MPPED1: variants seen among roughly 807,000 people sequenced by gnomAD.
MPPED1 encodes the protein metallophosphoesterase domain containing 1, also known as metallophosphoesterase domain-containing protein 1.
MPPED1 carries 16 observed loss-of-function variants against 36.2 expected under a neutral mutation model. That is an observed-to-expected ratio of 0.44 (90% CI 0.30 to 0.67). The LOEUF (loss-of-function observed/expected upper bound fraction) is 0.67, where lower values mean the gene tolerates loss of function less well. MPPED1 is among the 30% of genes least tolerant of loss of function. The pLI, the probability that MPPED1 is intolerant of heterozygous loss-of-function variation, is 0.10. For missense variants in MPPED1, 307 were observed against 453.4 expected, an observed-to-expected ratio of 0.68 and a Z score of 2.93; for synonymous variants, 199 against 191.3, an observed-to-expected ratio of 1.04 and a Z score of -0.33.
chr22:43,453,448 G>A (rs1433641736), intron 3 of MPPED1, among the ~76,000 whole-genome samples: 1 of 152,004 alleles, frequency 6.6e-6, no homozygotes, highest in African/African-American at 2.4e-5. Context: ...GCCAAACCCA[G>A]CACAATCCTT....
intron 3 of MPPED1, among the ~76,000 whole-genome samples, chr22:43,464,600 A>G (rs936144077): frequency 3.3e-5 from 5 of 152,046 alleles, no homozygotes; most frequent in African/African-American, 9.7e-5. Flanking sequence ...ATGAGAGGCA[A>G]AGGGCATGGC....
At chr22:43,452,490 C>T (rs1268308511) in intron 3 of MPPED1, among the ~76,000 whole-genome samples, 1 of 151,758 alleles carries the variant, frequency 6.6e-6, no homozygotes, top group Non-Finnish European at 1.5e-5. Context: ...TGTAGGGGGC[C>T]AGTCAGAACT....
At chr22:43,438,120 C>A (rs1930027550) in intron 3 of MPPED1, among the ~76,000 whole-genome samples, 1 of 152,184 alleles carries the variant, frequency 6.6e-6, no homozygotes, top group African/African-American at 2.4e-5. Context: ...GGGCCCCACT[C>A]AGCCTGATGC....
Position 43,435,049 on chromosome 22 carries a change from TC to T in MPPED1, c.241del (p.His81ThrfsTer33). ...PHVQMVDPVP[H>X]DAPKPPGYTR... ...CTCCCTGCAGGGTGGACCCGGTGCC[TC>T]ACGATGCCCCCAAACCTCCAGGCTA... On this transcript the variant is annotated frameshift_variant, in exon 3 of 7. Coordinates refer to ENST00000443721, the MANE Select transcript of MPPED1 (RefSeq NM_001044370.2). LOFTEE classifies it high-confidence loss of function. 1 of 1,613,630 alleles carries T rather than the reference TC, an allele frequency of 6.2e-7. No individual in the cohort carries two copies. Among genetic ancestry groups the T allele is most frequent in the Non-Finnish European group, 8.5e-7 (1 of 1,179,816 alleles).
At chr22:43,505,384 C>A in intron 6 of MPPED1, 114 bp from the exon 7 acceptor site, 1 of 814,422 alleles carries the variant, frequency 1.2e-6, no homozygotes, top group Non-Finnish European at 2.0e-6. Flanking sequence ...AGTTTACCAG[C>A]TTGCCCCAAA....
intron 3 of MPPED1, among the ~76,000 whole-genome samples, chr22:43,467,188 C>T (rs968231196): frequency 1.7e-4 from 26 of 152,316 alleles, no homozygotes; most frequent in South Asian, 8.3e-4. Flanking sequence ...AGTCAGGCTA[C>T]GCCCCCTGCA....
Position 43,480,650 on chromosome 22 carries a change from C to T in MPPED1, c.632+5689C>T, listed in dbSNP as rs114409904. The stretch of plus-strand genomic sequence containing the variant: ...GTGATGTTACTAATAGCTTTTCCCC[C>T]TCTGTGACCTCTCTTTCCCCTGTCT... On this transcript the variant is annotated intron_variant, in intron 4 of 6. Transcript: ENST00000443721. Among the ~76,000 whole-genome samples the T allele has an allele frequency of 4.9e-3, 745 of 152,256 alleles. 2 individuals carry two copies. Among genetic ancestry groups the T allele is most frequent in the African/African-American group, 0.017 (725 of 41,538 alleles).
At chr22:43,443,888 C>T (rs186251697) in intron 3 of MPPED1, among the ~76,000 whole-genome samples, 10 of 152,174 alleles carry the variant, frequency 6.6e-5, no homozygotes, top group East Asian at 1.9e-4. Context: ...TCTGATGGGG[C>T]GCTGTTGGTG....
At chr22:43,469,735 C>G (rs1021317229) in intron 3 of MPPED1, among the ~76,000 whole-genome samples, 1 of 152,124 alleles carries the variant, frequency 6.6e-6, no homozygotes. Flanking sequence ...TTGGAGGAAA[C>G]ATTTGAGGAG....
chr22:43,488,532 A>G lies in MPPED1; in HGVS notation c.633-9703A>G, dbSNP rs536766563. ...CATTTATATTGGCTAAGCAGGCTTAATTAGACGGGACTCGAAGGTTACCAT... is the reference window on the plus strand; with the variant it reads ...CATTTATATTGGCTAAGCAGGCTTAGTTAGACGGGACTCGAAGGTTACCAT... On this transcript the variant is annotated intron_variant, in intron 4 of 6. Coordinates refer to ENST00000443721, the MANE Select transcript of MPPED1 (RefSeq NM_001044370.2). Among the ~76,000 whole-genome samples, 96 of 152,338 alleles carry G rather than the reference A, an allele frequency of 6.3e-4. 3 individuals carry two copies. The South Asian group carries it at 0.018, about 29-fold the overall frequency.
intron 4 of MPPED1, among the ~76,000 whole-genome samples, chr22:43,478,562 GA>G (rs1215577387): frequency 1.1e-4 from 16 of 152,246 alleles, no homozygotes; most frequent in African/African-American, 3.8e-4. Flanking sequence ...AAGTGCAGCT[GA>G]AAGGGTGTGG....
chr22:43,412,749 G>A (rs887215358), intron 1 of MPPED1, among the ~76,000 whole-genome samples: 1 of 152,006 alleles, frequency 6.6e-6, no homozygotes, highest in Non-Finnish European at 1.5e-5. Flanking sequence ...GCTCGGCCAG[G>A]GGATTCAGTG....
chr22:43,412,251 C>A, intron 1 of MPPED1, 93 bp downstream of exon 1: 1 of 806,470 alleles, frequency 1.2e-6, no homozygotes, highest in Non-Finnish European at 1.5e-6. Context: ...GGGCGACGCC[C>A]GCGGCGCTGC....
intron 2 of MPPED1, among the ~76,000 whole-genome samples, chr22:43,429,019 CAG>C (rs1372003860): frequency 2.6e-5 from 4 of 152,114 alleles, no homozygotes; most frequent in African/African-American, 9.7e-5. Context: ...GTCGTTATGG[CAG>C]AGACTTGAGT....
chr22:43,445,879 C>CTTTT (rs1930323306), intron 3 of MPPED1, among the ~76,000 whole-genome samples: 2 of 35,410 alleles, frequency 5.6e-5, no homozygotes, highest in Admixed American at 4.0e-4. Context: ...CTGGTGTTTA[C>CTTTT]ATTTTCTTTT....
intron 3 of MPPED1, among the ~76,000 whole-genome samples, chr22:43,447,778 G>A (rs1458323418): frequency 1.4e-5 from 2 of 144,402 alleles, no homozygotes; most frequent in Non-Finnish European, 3.0e-5. Flanking sequence ...CTGTTCTCCC[G>A]AGGACTCTTG....
intron 3 of MPPED1, among the ~76,000 whole-genome samples, chr22:43,469,528 A>G (rs36167151): frequency 0.38 from 9,072 of 23,792 alleles, 921 homozygotes; most frequent in African/African-American, 0.49. Flanking sequence ...GGCTCTAACA[A>G]CAGAGGTGGC....
chr22:43,420,593 G>T (rs1330872123), intron 1 of MPPED1, among the ~76,000 whole-genome samples: 1 of 152,012 alleles, frequency 6.6e-6, no homozygotes, highest in South Asian at 2.1e-4. Flanking sequence ...GTAGAGACAG[G>T]GTTTCTCCAT....
At chr22:43,503,465 A>G (rs1031349137) in intron 6 of MPPED1, among the ~76,000 whole-genome samples, 1 of 152,098 alleles carries the variant, frequency 6.6e-6, no homozygotes, top group Non-Finnish European at 1.5e-5. Flanking sequence ...TCCCCCAGAG[A>G]CATCTCCTGG....
Sources: gnomAD v4.1 joint callset for allele counts (sites outside exome capture counted in the v4.1 genomes callset) on GRCh38, gnomAD v4.1.1 for gene constraint, MANE v1.5 for transcripts, NCBI Gene and HGNC (gene_info 2026-07-23, HGNC 2026-07-21) for gene names.